WSCD2: variants seen among roughly 807,000 people sequenced by gnomAD.
The protein encoded by WSCD2 is WSC domain sialate O sulfotransferase 2.
WSCD2 carries 28 observed loss-of-function variants against 55.7 expected under a neutral mutation model. The ratio of observed to expected loss-of-function variants is 0.50; its 90% confidence interval spans 0.37 to 0.69. The LOEUF (loss-of-function observed/expected upper bound fraction) is 0.69. Ranked by LOEUF, WSCD2 falls within the 30% of genes least tolerant of loss-of-function variation. The pLI is 0.00. For missense variants in WSCD2, 616 were observed against 762.1 expected, an observed-to-expected ratio of 0.81 and a Z score of 2.26; for synonymous variants, 301 against 301.9, an observed-to-expected ratio of 1.00 and a Z score of 0.03.
At chr12:108,229,158 G>T (rs563860022) in intron 6 of WSCD2, among the ~76,000 whole-genome samples, 13 of 152,232 alleles carry the variant, frequency 8.5e-5, no homozygotes, top group Admixed American at 7.2e-4. Context: ...CAGTTATGTG[G>T]CTCATCAGCC....
intron 1 of WSCD2, among the ~76,000 whole-genome samples, chr12:108,184,811 G>A (rs938018864): frequency 2.6e-5 from 4 of 152,206 alleles, no homozygotes; most frequent in African/African-American, 9.7e-5. Flanking sequence ...ATGGACAGAG[G>A]TTATTTCATT....
chr12:108,217,080 C>G (rs1197357454), intron 4 of WSCD2, among the ~76,000 whole-genome samples: 1 of 152,230 alleles, frequency 6.6e-6, no homozygotes, highest in African/African-American at 2.4e-5. Context: ...ATCTCATAGA[C>G]TTTCACCCCA....
At chr12:108,233,011 C>G in intron 7 of WSCD2, 116 bp downstream of exon 7, 1 of 1,388,120 alleles carries the variant, frequency 7.2e-7, no homozygotes, top group Admixed American at 2.3e-5. Flanking sequence ...CTCAGCTCTC[C>G]CAGGCACACT....
intron 8 of WSCD2, among the ~76,000 whole-genome samples, chr12:108,243,629 T>C (rs1250765356): frequency 6.6e-6 from 1 of 152,202 alleles, no homozygotes; most frequent in African/African-American, 2.4e-5. Flanking sequence ...AAATGTGGCC[T>C]GTGGACCAGC....
At chr12:108,207,354 C>G (rs1206351847) in intron 3 of WSCD2, among the ~76,000 whole-genome samples, 1 of 151,912 alleles carries the variant, frequency 6.6e-6, no homozygotes, top group Non-Finnish European at 1.5e-5. Flanking sequence ...GAGACTCTTC[C>G]TGCTGTTCTT....
intron 1 of WSCD2, among the ~76,000 whole-genome samples, chr12:108,186,874 T>C (rs1882564226): frequency 6.6e-6 from 1 of 152,188 alleles, no homozygotes; most frequent in African/African-American, 2.4e-5. Flanking sequence ...TTCAGTGCTG[T>C]CTATAACCCT....
intron 1 of WSCD2, among the ~76,000 whole-genome samples, chr12:108,131,462 T>C (rs1432705690): frequency 2.6e-5 from 4 of 152,218 alleles, no homozygotes; most frequent in Non-Finnish European, 4.4e-5. Flanking sequence ...CTCTCCACGC[T>C]TCGGCTCCTC....
chr12:108,163,924 T>C (rs1399542814), intron 1 of WSCD2, among the ~76,000 whole-genome samples: 1 of 151,676 alleles, frequency 6.6e-6, no homozygotes, highest in African/African-American at 2.4e-5. Context: ...TAAGCATGGA[T>C]AAAAAAAATT....
rs117718985 is a variant in WSCD2, at chr12:108,244,178, C to T, written c.1345+3634C>T. On this transcript the variant is annotated intron_variant, in intron 8 of 8. Transcript: ENST00000547525. ...CACCTGTATGACAGTTCCGGTGGAA[C>T]CAGAACTCATTACCAATGTTCCATG... Among the ~76,000 whole-genome samples, 572 of 152,310 alleles carry T rather than the reference C, an allele frequency of 3.8e-3. 1 individual carries two copies. Among genetic ancestry groups the T allele is most frequent in the Non-Finnish European group, 6.9e-3 (468 of 68,026 alleles).
chr12:108,227,185 G>A, intron 6 of WSCD2, 21 bp downstream of exon 6: 1 of 1,603,888 alleles, frequency 6.2e-7, no homozygotes, highest in South Asian at 1.1e-5. Context: ...CCCTTCCCCA[G>A]TGGACCCCAG....
At chr12:108,220,435 TG>T (rs1462184224) in intron 4 of WSCD2, among the ~76,000 whole-genome samples, 4 of 152,194 alleles carry the variant, frequency 2.6e-5, no homozygotes, top group Admixed American at 6.5e-5. Flanking sequence ...CCAGGGTGAA[TG>T]GGAGAGTTCA....
chr12:108,182,805 G>A (rs1207638053), intron 1 of WSCD2, among the ~76,000 whole-genome samples: 1 of 152,130 alleles, frequency 6.6e-6, no homozygotes, highest in African/African-American at 2.4e-5. Context: ...GCCTGACTTA[G>A]CTTCCAGCAT....
chr12:108,205,270 T>C (rs1449573593), intron 2 of WSCD2, among the ~76,000 whole-genome samples: 1 of 152,220 alleles, frequency 6.6e-6, no homozygotes, highest in African/African-American at 2.4e-5. Flanking sequence ...TGTGTTACTT[T>C]GAGCAAGTGA....
chr12:108,225,270 A>T lies in WSCD2; in HGVS notation c.804+410A>T, dbSNP rs568234186. On this transcript the variant is annotated intron_variant, in intron 5 of 8. Transcript: ENST00000547525. ...AAAGCAAAGGCACGTCTTACATGGC[A>T]GCAGGCAAGAGAGCGTGTGTACAGG... 6.0e-4 allele frequency among the ~76,000 whole-genome samples: 91 copies of T among 152,330 alleles called. 3 individuals carry two copies. In the Middle Eastern group the frequency reaches 0.01, roughly 17 times the overall value.
At chr12:108,230,964 G>A (rs1013862560) in intron 6 of WSCD2, among the ~76,000 whole-genome samples, 6 of 152,192 alleles carry the variant, frequency 3.9e-5, no homozygotes, top group Non-Finnish European at 5.9e-5. Context: ...GGAGCTGGTG[G>A]TCGCTGGAAG....
chr12:108,208,477 A>C lies in WSCD2; in HGVS notation c.498-1644A>C, dbSNP rs370148991. Among the ~76,000 whole-genome samples, 10 of 152,226 alleles carry C rather than the reference A, an allele frequency of 6.6e-5. No individual in the cohort carries two copies. In the East Asian group the frequency reaches 1.9e-3, roughly 29 times the overall value. On this transcript the variant is annotated intron_variant, in intron 3 of 8. Transcript: ENST00000547525. ...GGAAGGGATGGAGGGCTCCATGTGG[A>C]GGGTTTAGGAAGAGTTATCACAGTG...
intron 1 of WSCD2, chr12:108,189,680 GA>G (rs577559326): frequency 2.0e-5 from 3 of 152,204 alleles, no homozygotes; most frequent in South Asian, 4.1e-4. Flanking sequence ...AGCAACCTTG[GA>G]AAAAAACTGG....
In WSCD2 at chr12:108,222,050, T is replaced by C. The variant is rs533438750; in HGVS notation, c.683-2689T>C. On this transcript the variant is annotated intron_variant, in intron 4 of 8. Transcript: ENST00000547525. ...CTTCAGGCTATCAGGCGCCATGTGG[T>C]AGAAAGAATCACTAGGGAGTCTTTG... 2.0e-4 allele frequency among the ~76,000 whole-genome samples: 30 copies of C among 152,356 alleles called. 1 individual carries two copies. The South Asian group carries it at 5.4e-3, about 27-fold the overall frequency.
intron 4 of WSCD2, among the ~76,000 whole-genome samples, chr12:108,214,813 T>C (rs1301828488): frequency 6.6e-6 from 1 of 152,244 alleles, no homozygotes; most frequent in Non-Finnish European, 1.5e-5. Context: ...GCTTACACTA[T>C]CACTGAAAAA....
Sources: allele counts gnomAD v4.1 joint callset (sites outside exome capture counted in the v4.1 genomes callset), GRCh38; gene constraint gnomAD v4.1.1; transcripts MANE v1.5; gene names NCBI Gene and HGNC (gene_info 2026-07-23, HGNC 2026-07-21).